The following PTPRD variants were observed in gnomAD, a reference collection of about 807,000 sequenced individuals.
PTPRD encodes the protein receptor-type tyrosine-protein phosphatase delta.
Under a neutral mutation model 214.5 loss-of-function variants are expected in PTPRD, and 34 were observed. The ratio of observed to expected loss-of-function variants is 0.16; its 90% CI spans 0.12 to 0.21. The LOEUF (loss-of-function observed/expected upper bound fraction) is 0.21, where lower values mean the gene tolerates loss of function less well. Among genes scored for constraint, PTPRD ranks in the 10% least tolerant of loss-of-function variants. PTPRD has a pLI of 1.00. For synonymous variants in PTPRD, 1,128 were observed against 845.7 expected, an observed-to-expected ratio of 1.33 and a Z score of -5.79; for missense variants, 2,545 against 2,398.7, an observed-to-expected ratio of 1.06 and a Z score of -1.27.
In PTPRD at chr9:8,501,025, G is replaced by A. The variant is rs1280696113; in HGVS notation, c.1857C>T (p.Thr619=). 1.2e-6 allele frequency: 2 copies of A among 1,613,878 alleles called. No homozygotes were observed. The highest frequency in any genetic ancestry group is 1.3e-5 in the African/African-American group (1 of 74,974). The change falls in exon 24 of 46, where the codon ACC becomes ACT. Residue 619 remains threonine (T), a synonymous_variant. Coordinates refer to ENST00000381196, the MANE Select transcript of PTPRD (RefSeq NM_002839.4). Reference sequence around the variant, plus strand: ...CCAAAATACTAGTGGAACTTGGGCTGGTGCAACTAATGTCTTGAGGAGGAG... The same window carrying A: ...CCAAAATACTAGTGGAACTTGGGCTAGTGCAACTAATGTCTTGAGGAGGAG... ...PSAPPQDISC[T]SPSSTSILVS...
intron 8 of PTPRD, among the ~76,000 whole-genome samples, chr9:9,555,403 G>C (rs1478742456): frequency 6.6e-6 from 1 of 152,064 alleles, no homozygotes; most frequent in Non-Finnish European, 1.5e-5. Flanking sequence ...GGTGTTTATA[G>C]AGTTAGACAA....
At chr9:10,518,152 T>A (rs767198782) in intron 2 of PTPRD, among the ~76,000 whole-genome samples, 2 of 152,198 alleles carry the variant, frequency 1.3e-5, no homozygotes, top group African/African-American at 2.4e-5. Flanking sequence ...ACCTGTGTAC[T>A]GATCACCTGA....
chr9:9,203,283 C>CT (rs2099942951), intron 9 of PTPRD, among the ~76,000 whole-genome samples: 1 of 151,894 alleles, frequency 6.6e-6, no homozygotes, highest in Non-Finnish European at 1.5e-5. Flanking sequence ...ACTTTTCCCC[C>CT]TTTTATCTGA....
At chr9:8,484,454 T>C (rs2096954555) in intron 29 of PTPRD, 76 bp from the exon 30 acceptor site, 1 of 952,396 alleles carries the variant, frequency 1.0e-6, no homozygotes, top group Non-Finnish European at 1.5e-6. Context: ...CAATGTGCAC[T>C]AGCTTTTGGA....
chr9:10,023,535 T>G (rs961765652), intron 4 of PTPRD, among the ~76,000 whole-genome samples: 4 of 152,202 alleles, frequency 2.6e-5, no homozygotes, highest in Admixed American at 2.0e-4. Context: ...TTCACAAATC[T>G]TTATATTCAC....
At chr9:9,503,083 A>C (rs1005913564) in intron 8 of PTPRD, among the ~76,000 whole-genome samples, 1 of 151,824 alleles carries the variant, frequency 6.6e-6, no homozygotes, top group African/African-American at 2.4e-5. Context: ...CCTTGATTAA[A>C]ATAGACAAGC....
intron 3 of PTPRD, among the ~76,000 whole-genome samples, chr9:10,275,527 T>C (rs969305776): frequency 6.6e-6 from 1 of 152,100 alleles, no homozygotes; most frequent in Non-Finnish European, 1.5e-5. Flanking sequence ...ACTGGTATTA[T>C]AATCAGGTGT....
intron 5 of PTPRD, among the ~76,000 whole-genome samples, chr9:9,792,948 C>T (rs994821079): frequency 6.6e-6 from 1 of 151,944 alleles, no homozygotes; most frequent in Non-Finnish European, 1.5e-5. Context: ...TAGACTTGGG[C>T]AAACAGGTAT....
chr9:8,814,512 C>T (rs1042748236), intron 11 of PTPRD, among the ~76,000 whole-genome samples: 3 of 152,110 alleles, frequency 2.0e-5, no homozygotes, highest in Admixed American at 6.5e-5. Flanking sequence ...GCACCAAAGA[C>T]GGCAAAGAAA....
intron 7 of PTPRD, among the ~76,000 whole-genome samples, chr9:9,663,650 G>A (rs200384924): frequency 5.3e-5 from 8 of 151,454 alleles, no homozygotes; most frequent in South Asian, 4.1e-4. Context: ...CTCTCCTTCC[G>A]CTTCATATCC....
chr9:8,818,651 T>C (rs1286487895), intron 11 of PTPRD, among the ~76,000 whole-genome samples: 1 of 152,230 alleles, frequency 6.6e-6, no homozygotes, highest in Non-Finnish European at 1.5e-5. Flanking sequence ...ACTGAATTAG[T>C]ATTATATTCA....
At chr9:9,319,733 T>C (rs1376375835) in intron 9 of PTPRD, among the ~76,000 whole-genome samples, 1 of 152,184 alleles carries the variant, frequency 6.6e-6, no homozygotes, top group Non-Finnish European at 1.5e-5. Flanking sequence ...CCTATAGTCA[T>C]CAAAAGTTTC....
chr9:9,490,885 T>C (rs1361226732), intron 8 of PTPRD, among the ~76,000 whole-genome samples: 3 of 121,448 alleles, frequency 2.5e-5, no homozygotes, highest in South Asian at 2.8e-4. Context: ...GTAATTAATA[T>C]AAATATAAAT....
At chr9:9,477,302 A>C (rs1266335303) in intron 8 of PTPRD, among the ~76,000 whole-genome samples, 2 of 152,204 alleles carry the variant, frequency 1.3e-5, no homozygotes, top group Non-Finnish European at 2.9e-5. Context: ...GTTCTGCTCT[A>C]TGATGATATC....
At chr9:8,705,885 G>C (rs2098195468) in intron 12 of PTPRD, among the ~76,000 whole-genome samples, 1 of 152,120 alleles carries the variant, frequency 6.6e-6, no homozygotes, top group Admixed American at 6.5e-5. Context: ...TTTTCCATGA[G>C]CAGAGTTCTC....
chr9:8,408,053 C>T (rs1216388726), intron 35 of PTPRD, among the ~76,000 whole-genome samples: 4 of 152,160 alleles, frequency 2.6e-5, no homozygotes, highest in Non-Finnish European at 5.9e-5. Context: ...ACCCTAATTG[C>T]TGGTGACAGA....
chr9:9,978,441 C>T (rs564860944), intron 4 of PTPRD, among the ~76,000 whole-genome samples: 4 of 151,984 alleles, frequency 2.6e-5, no homozygotes, highest in South Asian at 4.1e-4. Context: ...CATAAGTACT[C>T]GGACTTCATC....
At chr9:8,882,922 G>A (rs1309360735) in intron 11 of PTPRD, among the ~76,000 whole-genome samples, 1 of 147,786 alleles carries the variant, frequency 6.8e-6, no homozygotes, top group Non-Finnish European at 1.5e-5. Flanking sequence ...GACTTCTGAA[G>A]TCAATCTAAA....
intron 4 of PTPRD, among the ~76,000 whole-genome samples, chr9:9,987,046 T>TG (rs2095739643): frequency 2.0e-5 from 3 of 151,980 alleles, no homozygotes; most frequent in Admixed American, 2.0e-4. Flanking sequence ...AGAGAGAAGA[T>TG]GAAAAAAGGG....
Sources: allele counts gnomAD v4.1 joint callset (sites outside exome capture counted in the v4.1 genomes callset), GRCh38; gene constraint gnomAD v4.1.1; transcripts MANE v1.5; gene names NCBI Gene and HGNC (gene_info 2026-07-23, HGNC 2026-07-21).